Variants in FLNB observed in about 807,000 individuals in gnomAD.
FLNB encodes filamin B.
A neutral mutation model predicts 250.6 loss-of-function variants in FLNB; 111 were observed. That is an observed-to-expected ratio of 0.44 (90% CI 0.38 to 0.52). The LOEUF is 0.52. FLNB is among the 20% of genes least tolerant of loss of function. The probability of loss-of-function intolerance (pLI) is 0.00; values close to 1 mark genes in which losing one functional copy is unlikely to be tolerated. For missense variants in FLNB, 2,869 were observed against 3,447.8 expected (o/e 0.83, Z 4.20); for synonymous variants, 1,302 against 1,372.1 (o/e 0.95, Z 1.13).
Position 58,153,778 on chromosome 3 carries a change from G to A in FLNB, c.6634+137G>A, listed in dbSNP as rs2097349029. 8 of 1,032,046 alleles carry A rather than the reference G, an allele frequency of 7.8e-6. 1 individual carries two copies. Among genetic ancestry groups the A allele is most frequent in the South Asian group, 5.7e-5 (4 of 70,774 alleles). 63.9% of individuals were successfully genotyped at this position (1,032,046 alleles called of 1,614,324 possible). A position where few individuals can be genotyped will look rare whatever the true frequency, so the allele number is the denominator to read the frequency against. ...GCATTAAGGGCATTATTTAAAACAA[G>A]GCATCATGACTAAGTCTGGCACAGT... On this transcript the variant is annotated intron_variant, in intron 39 of 45. Coordinates refer to ENST00000295956, the MANE Select transcript of FLNB (RefSeq NM_001457.4).
chr3:58,077,137 G>C lies in FLNB; in HGVS notation c.384G>C (p.Trp128Cys). The C allele has an allele frequency of 1.2e-6, 2 of 1,614,160 alleles. No individual in the cohort carries two copies. The highest frequency in any genetic ancestry group is 1.7e-6 in the Non-Finnish European group (2 of 1,180,034). Residue 128 changes from tryptophan to cysteine, a missense_variant, in exon 2 of 46, where the codon TGG (tryptophan) becomes TGC (cysteine). Transcript: ENST00000295956. The part of the protein sequence containing the change: ...ILHYSISMPV[W>C]EDEGDDDAKK... Reference sequence around the variant, plus strand: ...ACTACTCCATCTCCATGCCCGTGTGGGAGGATGAAGGGGATGATGATGCCA... The same window carrying C: ...ACTACTCCATCTCCATGCCCGTGTGCGAGGATGAAGGGGATGATGATGCCA...
chr3:58,059,607 A>G (rs908936627), intron 1 of FLNB, among the ~76,000 whole-genome samples: 1 of 152,094 alleles, frequency 6.6e-6, no homozygotes, highest in Non-Finnish European at 1.5e-5. Context: ...TGCCTTGGAT[A>G]TTTATCGTGT....
intron 1 of FLNB, among the ~76,000 whole-genome samples, chr3:58,059,023 A>G (rs2097174331): frequency 6.6e-6 from 1 of 152,196 alleles, no homozygotes; most frequent in Admixed American, 6.5e-5. Flanking sequence ...TCCCTGTGAC[A>G]CTGTAGCCCT....
intron 41 of FLNB, among the ~76,000 whole-genome samples, chr3:58,157,025 C>G (rs2097354436): frequency 6.6e-6 from 1 of 152,210 alleles, no homozygotes; most frequent in African/African-American, 2.4e-5. Context: ...GGCAACCTCT[C>G]TAACCCCCAC....
At chr3:58,069,665 A>G (rs993587651) in intron 1 of FLNB, among the ~76,000 whole-genome samples, 1 of 151,678 alleles carries the variant, frequency 6.6e-6, no homozygotes, top group Non-Finnish European at 1.5e-5. Flanking sequence ...ACCAAGAACC[A>G]CCTAAAATTC....
In FLNB at chr3:58,112,173, A is replaced by C; in HGVS notation, c.2600A>C (p.His867Pro). Residue 867 changes from histidine (H) to proline (P), a missense_variant, in exon 18 of 46, where the codon CAC becomes CCC. By Grantham distance (77) the His-to-Pro change is moderately conservative. Transcript: ENST00000295956. ...GGTGTGGAAAATGGGAAACCGACCCACTTCACTGTCTACACCAAGGGGGCT... is the reference window on the plus strand; with the variant it reads ...GGTGTGGAAAATGGGAAACCGACCCCCTTCACTGTCTACACCAAGGGGGCT... ...KAGVENGKPTHFTVYTKGAGK... is the reference protein window; with the variant it reads ...KAGVENGKPTPFTVYTKGAGK... 1.2e-6 allele frequency: 2 copies of C among 1,614,126 alleles called. No homozygotes were observed. The highest frequency in any genetic ancestry group is 1.7e-6 in the Non-Finnish European group (2 of 1,179,992).
At chr3:58,140,600 A>G (rs1028148004) in intron 29 of FLNB, among the ~76,000 whole-genome samples, 2 of 152,050 alleles carry the variant, frequency 1.3e-5, no homozygotes, top group Admixed American at 6.5e-5. Context: ...TTGAATCAGG[A>G]GCATTAAATC....
At chr3:58,092,215 A>C (rs1176796330) in intron 4 of FLNB, among the ~76,000 whole-genome samples, 1 of 152,254 alleles carries the variant, frequency 6.6e-6, no homozygotes, top group East Asian at 1.9e-4. Flanking sequence ...AACGGCTAAA[A>C]TAAAAAATAT....
At chr3:58,113,262 G>A (rs961154370) in intron 18 of FLNB, among the ~76,000 whole-genome samples, 1 of 152,204 alleles carries the variant, frequency 6.6e-6, no homozygotes, top group Non-Finnish European at 1.5e-5. Flanking sequence ...TGGCAGAAAA[G>A]TCTGGATTTT....
intron 1 of FLNB, among the ~76,000 whole-genome samples, chr3:58,043,547 A>G (rs1345518877): frequency 6.6e-6 from 1 of 152,134 alleles, no homozygotes; most frequent in Non-Finnish European, 1.5e-5. Flanking sequence ...GCCCCCAAGC[A>G]TTACTTGGTC....
chr3:58,062,328 C>T (rs1361200526), intron 1 of FLNB, among the ~76,000 whole-genome samples: 1 of 152,138 alleles, frequency 6.6e-6, no homozygotes, highest in Non-Finnish European at 1.5e-5. Context: ...GAAGCCTATT[C>T]ATATTGGAAC....
At chr3:58,028,911 T>C (rs550280028) in intron 1 of FLNB, among the ~76,000 whole-genome samples, 1 of 151,944 alleles carries the variant, frequency 6.6e-6, no homozygotes, top group Non-Finnish European at 1.5e-5. Flanking sequence ...CCACTGCACC[T>C]GGCCAAAAAC....
chr3:58,084,736 C>T (rs140346210), intron 4 of FLNB, among the ~76,000 whole-genome samples: 1 of 152,170 alleles, frequency 6.6e-6, no homozygotes, highest in Non-Finnish European at 1.5e-5. Flanking sequence ...AACTGAAACT[C>T]CATACTCATT....
Position 58,081,757 on chromosome 3 carries a change from A to G in FLNB, c.768A>G (p.Lys256=). The G allele has an allele frequency of 6.2e-7, 1 of 1,614,132 alleles. No individual in the cohort carries two copies. Among genetic ancestry groups the G allele is most frequent in the Non-Finnish European group, 8.5e-7 (1 of 1,180,014 alleles). ...APLKPKLNPK[K]ARAYGRGIEP... is the part of the protein sequence containing the mutation. ...TCAAACCCAAACTCAACCCGAAGAAAGCCAGGGCCTATGGCAGAGGTGAGT... is the reference window on the plus strand; with the variant it reads ...TCAAACCCAAACTCAACCCGAAGAAGGCCAGGGCCTATGGCAGAGGTGAGT... The change falls in exon 4 of 46, where the codon AAA becomes AAG. Residue 256 remains lysine, a synonymous_variant. Coordinates refer to ENST00000295956, the MANE Select transcript of FLNB (RefSeq NM_001457.4).
intron 1 of FLNB, among the ~76,000 whole-genome samples, chr3:58,035,660 G>A (rs1009380243): frequency 5.9e-5 from 9 of 152,164 alleles, no homozygotes; most frequent in Non-Finnish European, 8.8e-5. Context: ...GTGGTTATAG[G>A]GCTTGGACTT....
At chr3:58,144,548 T>C in intron 32 of FLNB, among the ~76,000 whole-genome samples, 1 of 152,220 alleles carries the variant, frequency 6.6e-6, no homozygotes, top group East Asian at 1.9e-4. Context: ...CTGTCCCCAG[T>C]GTTGCTGCGC....
At chr3:58,160,609 G>A (rs756042546) in intron 42 of FLNB, among the ~76,000 whole-genome samples, 6 of 152,232 alleles carry the variant, frequency 3.9e-5, no homozygotes, top group Non-Finnish European at 8.8e-5. Flanking sequence ...GACATTTGAT[G>A]TGGGCCTTGA....
intron 28 of FLNB, among the ~76,000 whole-genome samples, chr3:58,137,695 T>A (rs557138853): frequency 6.6e-6 from 1 of 152,298 alleles, no homozygotes; most frequent in African/African-American, 2.4e-5. Flanking sequence ...GTTGCAAGTC[T>A]CCCTTAGCTA....
chr3:58,121,861 T>C (rs992850997), intron 20 of FLNB, among the ~76,000 whole-genome samples: 1 of 152,152 alleles, frequency 6.6e-6, no homozygotes, highest in African/African-American at 2.4e-5. Context: ...GAAGCTAGAA[T>C]CATGTAATAT....
Sources: gnomAD v4.1 joint callset for allele counts (sites outside exome capture counted in the v4.1 genomes callset) on GRCh38, gnomAD v4.1.1 for gene constraint, MANE v1.5 for transcripts, NCBI Gene and HGNC (gene_info 2026-07-23, HGNC 2026-07-21) for gene names.